The following CECR2 variants were observed in gnomAD, a reference collection of about 807,000 sequenced individuals.
CECR2 encodes CECR2 histone acetyl-lysine reader.
CECR2 carries 30 observed loss-of-function variants against 154.5 expected under a neutral mutation model. The ratio of observed to expected loss-of-function variants is 0.19; its 90% CI spans 0.15 to 0.26. The LOEUF (loss-of-function observed/expected upper bound fraction) is 0.26, where lower values mean the gene tolerates loss of function less well. Among genes scored for constraint, CECR2 ranks in the 10% least tolerant of loss-of-function variants. The pLI is 1.00. For synonymous variants in CECR2, 725 were observed against 683.7 expected (o/e 1.06, Z -0.94); for missense variants, 1,743 against 1,829.3 (o/e 0.95, Z 0.86).
chr22:17,397,230 A>G (rs1372160520), intron 1 of CECR2, among the ~76,000 whole-genome samples: 3 of 151,836 alleles, frequency 2.0e-5, no homozygotes, highest in Non-Finnish European at 2.9e-5. Context: ...TCCACCTCCC[A>G]GGTTCAAGCG....
rs1380710451 is a variant in CECR2 at position 17,552,130 on chromosome 22, TC to T, written c.4381del (p.Leu1461TrpfsTer10). ...EVPPHKPPTL[P>X]LDQS is the part of the protein sequence containing the mutation. ...TGCCGCCTCATAAGCCTCCAACACTTCCCCTGGATCAGGTAAGGATCACTAA... is the reference window on the plus strand; with the variant it reads ...TGCCGCCTCATAAGCCTCCAACACTTCCCTGGATCAGGTAAGGATCACTAA... On this transcript the variant is annotated frameshift_variant, in exon 18 of 19. Coordinates refer to ENST00000262608, the MANE Select transcript of CECR2 (RefSeq NM_001290047.2). LOFTEE classifies it high-confidence loss of function. The T allele has an allele frequency of 3.1e-6, 5 of 1,613,596 alleles. No individual in the cohort carries two copies. The African/African-American group carries it at 6.7e-5, about 22-fold the overall frequency.
At chr22:17,393,121 G>A (rs994300881) in intron 1 of CECR2, among the ~76,000 whole-genome samples, 2 of 152,070 alleles carry the variant, frequency 1.3e-5, no homozygotes, top group African/African-American at 4.8e-5. Flanking sequence ...ACCTTTATAA[G>A]GTTTTCATCA....
chr22:17,484,121 T>C (rs1186184674), intron 2 of CECR2, among the ~76,000 whole-genome samples: 2 of 152,214 alleles, frequency 1.3e-5, no homozygotes, highest in Non-Finnish European at 2.9e-5. Flanking sequence ...CTATGATGTT[T>C]CCACAGCAAC....
upstream of CECR2, among the ~76,000 whole-genome samples, chr22:17,366,942 A>T (rs1238464844): frequency 6.6e-6 from 1 of 152,118 alleles, no homozygotes; most frequent in Non-Finnish European, 1.5e-5. Context: ...AACTGTAGAG[A>T]CAAACAGAGT....
At chr22:17,488,380 C>CCT (rs2055462956) in intron 2 of CECR2, among the ~76,000 whole-genome samples, 1 of 152,106 alleles carries the variant, frequency 6.6e-6, no homozygotes, top group Admixed American at 6.6e-5. Context: ...ATGAGGGCAC[C>CCT]ACATAGTCAC....
intron 1 of CECR2, among the ~76,000 whole-genome samples, chr22:17,466,778 A>G (rs572176632): frequency 6.6e-6 from 1 of 152,270 alleles, no homozygotes; most frequent in South Asian, 2.1e-4. Context: ...TATTTTTAGT[A>G]GAGACAGGGT....
At chr22:17,491,578 T>TGGGGGG (rs778492960) in intron 2 of CECR2, among the ~76,000 whole-genome samples, 1 of 76,932 alleles carries the variant, frequency 1.3e-5, no homozygotes, top group Non-Finnish European at 2.9e-5. Flanking sequence ...TGTGTGTGTG[T>TGGGGGG]GTGTGGGGGG....
chr22:17,548,239 C>T lies in CECR2; in HGVS notation c.2952C>T (p.Pro984=), dbSNP rs768939355. ...CACAACTACCTCACCCCACACCTCC[C>T]CTGCAGACTGACTGCACCAGGCAGA... ...YLTQLPHPTP[P]LQTDCTRQSS... Residue 984 remains proline, a synonymous_variant, in exon 17 of 19, where the codon CCC becomes CCT. Transcript: ENST00000262608. The T allele has an allele frequency of 6.3e-7, 1 of 1,599,572 alleles. No individual in the cohort carries two copies.
chr22:17,542,556 C>G lies in CECR2; in HGVS notation c.2413C>G (p.Leu805Val), dbSNP rs376789433. Reference sequence around the variant, plus strand: ...AGGACCCTCTCACCAGCCTCGCACTCTCGGTCACGTGATGGATTCCCGAGT... The same window carrying G: ...AGGACCCTCTCACCAGCCTCGCACTGTCGGTCACGTGATGGATTCCCGAGT... ...GPGPSHQPRT[L>V]GHVMDSRVMR... The change falls in exon 16 of 19, where the codon CTC becomes GTC. Residue 805 changes from leucine to valine, a missense_variant. By Grantham distance (32) the Leu-to-Val change is conservative. Transcript: ENST00000262608. 3 of 1,613,912 alleles carry G rather than the reference C, an allele frequency of 1.9e-6. No homozygotes were observed. In the African/African-American group the frequency reaches 4.0e-5, roughly 22 times the overall value.
rs997582771 is a variant in CECR2, at chr22:17,549,574, C to T, written c.4277+10C>T. 1.9e-6 allele frequency: 3 copies of T among 1,547,876 alleles called. No individual in the cohort carries two copies. Among genetic ancestry groups the T allele is most frequent in the Non-Finnish European group, 2.6e-6 (3 of 1,140,100 alleles). ...TGTACAGACCATCAGGGTAAGATTG[C>T]ATTCAGGCTTTTCCCCCTAAAGAGA... On this transcript the variant is annotated intron_variant, in intron 17 of 18. Coordinates refer to ENST00000262608, the MANE Select transcript of CECR2 (RefSeq NM_001290047.2).
intron 1 of CECR2, among the ~76,000 whole-genome samples, chr22:17,396,832 T>A (rs76782662): frequency 2.7e-5 from 4 of 150,570 alleles, no homozygotes; most frequent in African/African-American, 9.7e-5. Flanking sequence ...GGACAAGTTA[T>A]GAGGGTAGGT....
chr22:17,510,337 T>C (rs953135479), intron 7 of CECR2, among the ~76,000 whole-genome samples: 33 of 152,274 alleles, frequency 2.2e-4, no homozygotes, highest in African/African-American at 6.7e-4. Flanking sequence ...TTGAGGCTTA[T>C]AAAATAATCG....
At chr22:17,449,053 A>G (rs560344326) in intron 1 of CECR2, among the ~76,000 whole-genome samples, 122 of 151,630 alleles carry the variant, frequency 8.0e-4, no homozygotes, top group African/African-American at 2.8e-3. Flanking sequence ...TAATTTTTGT[A>G]TTTTTAGTAG....
At chr22:17,448,736 C>T (rs1235210332) in intron 1 of CECR2, among the ~76,000 whole-genome samples, 5 of 152,118 alleles carry the variant, frequency 3.3e-5, no homozygotes, top group African/African-American at 1.2e-4. Context: ...AAATCAGTCA[C>T]CTTTCATCTT....
chr22:17,544,020 T>TCC (rs2056571612), intron 16 of CECR2, among the ~76,000 whole-genome samples: 2 of 152,170 alleles, frequency 1.3e-5, no homozygotes. Context: ...ACAGACTAGA[T>TCC]CCAGCATCTG....
At chr22:17,442,172 C>T (rs1383554623) in intron 1 of CECR2, among the ~76,000 whole-genome samples, 2 of 152,146 alleles carry the variant, frequency 1.3e-5, no homozygotes, top group Non-Finnish European at 2.9e-5. Context: ...AAGAGCATGT[C>T]ATACTAGAAG....
chr22:17,477,044 CA>C (rs2055219373), intron 1 of CECR2: 1 of 702,014 alleles, frequency 1.4e-6, no homozygotes, highest in African/African-American at 1.8e-5. Flanking sequence ...CACCTTTCAT[CA>C]GCCATGTAGG....
chr22:17,370,032 G>T (rs1458918800), intron 1 of CECR2, 123 bp downstream of exon 1: 1 of 151,396 alleles, frequency 6.6e-6, no homozygotes, highest in Admixed American at 6.6e-5. Context: ...GGGAGTCGGG[G>T]GCCAGGAGGA....
intron 16 of CECR2, among the ~76,000 whole-genome samples, chr22:17,544,858 C>T (rs1301193395): frequency 2.1e-5 from 3 of 145,272 alleles, no homozygotes; most frequent in Admixed American, 6.9e-5. Context: ...ATAGTCCCAG[C>T]TACTTGGGAG....
Sources: gnomAD v4.1 joint callset for allele counts (sites outside exome capture counted in the v4.1 genomes callset) on GRCh38, gnomAD v4.1.1 for gene constraint, MANE v1.5 for transcripts, NCBI Gene and HGNC (gene_info 2026-07-23, HGNC 2026-07-21) for gene names.